The following BCAR3 variants were observed in gnomAD, a reference collection of about 807,000 sequenced individuals.
BCAR3 encodes the protein BCAR3 adaptor protein, NSP family member.
Under a neutral mutation model 80.1 loss-of-function variants are expected in BCAR3, and 37 were observed. That is an observed-to-expected ratio of 0.46 (90% CI 0.36 to 0.61). The LOEUF (loss-of-function observed/expected upper bound fraction) is 0.61, where lower values mean the gene tolerates loss of function less well. BCAR3 is among the 20% of genes least tolerant of loss of function. The probability of loss-of-function intolerance (pLI) is 0.00; values close to 1 mark genes in which losing one functional copy is unlikely to be tolerated. For missense variants in BCAR3, 978 were observed against 1,068.2 expected, an observed-to-expected ratio of 0.92 and a Z score of 1.18; for synonymous variants, 389 against 418.9, an observed-to-expected ratio of 0.93 and a Z score of 0.87.
At chr1:93,653,559 T>G (rs1023937527) in intron 2 of BCAR3, among the ~76,000 whole-genome samples, 8 of 152,200 alleles carry the variant, frequency 5.3e-5, no homozygotes, top group African/African-American at 1.9e-4. Flanking sequence ...ATCAAGCATC[T>G]ATAATATGCC....
At chr1:93,678,393 C>T (rs1054816955) in intron 1 of BCAR3, among the ~76,000 whole-genome samples, 8 of 152,102 alleles carry the variant, frequency 5.3e-5, no homozygotes, top group African/African-American at 1.9e-4. Flanking sequence ...GTGTTGGGGA[C>T]AGCATTAAAC....
At position 93,660,053 on chromosome 1, in the gene BCAR3, C is replaced by CGTGTGTGT. The variant is rs76729025; in HGVS notation, c.317+14553_317+14560dup. Among the ~76,000 whole-genome samples, 741 of 147,330 alleles carry CGTGTGTGT rather than the reference C, an allele frequency of 5.0e-3. 29 individuals are homozygous for CGTGTGTGT. The East Asian group carries it at 0.071, about 14-fold the overall frequency. On this transcript the variant is annotated intron_variant, in intron 2 of 11. Coordinates refer to ENST00000260502, the MANE Select transcript of BCAR3 (RefSeq NM_003567.4). ...ATGTATGTTGGTTTGAATAAATGAA[C>CGTGTGTGT]GTGTGTGTGTGTGTGTGTGTGTGTG...
chr1:93,773,938 C>T (rs1029042194), intron 2 of BCAR3, among the ~76,000 whole-genome samples: 2 of 152,160 alleles, frequency 1.3e-5, no homozygotes, highest in Non-Finnish European at 2.9e-5. Context: ...TCAAGTCCCA[C>T]TAAAATGGTG....
At chr1:93,767,477 T>C (rs1652195336) in intron 2 of BCAR3, among the ~76,000 whole-genome samples, 1 of 149,810 alleles carries the variant, frequency 6.7e-6, no homozygotes, top group African/African-American at 2.5e-5. Context: ...TGAGCCGTGA[T>C]CACACCACTG....
chr1:93,729,154 A>C (rs571737562), intron 2 of BCAR3, among the ~76,000 whole-genome samples: 8 of 152,274 alleles, frequency 5.3e-5, no homozygotes, highest in Non-Finnish European at 1.0e-4. Context: ...TGCTCTCGAA[A>C]ACCATACAGA....
intron 3 of BCAR3, among the ~76,000 whole-genome samples, chr1:93,625,514 G>GA (rs1441671815): frequency 6.6e-6 from 1 of 152,166 alleles, no homozygotes; most frequent in Non-Finnish European, 1.5e-5. Flanking sequence ...GTGGTCACAG[G>GA]AAACAGTCCA....
chr1:93,567,883 C>G, intron 9 of BCAR3, 32 bp from the exon 10 acceptor site: 1 of 1,572,806 alleles, frequency 6.4e-7, no homozygotes, highest in Non-Finnish European at 8.8e-7. Flanking sequence ...GGAAAAGGTT[C>G]TTTTTAAAAT....
chr1:93,765,154 C>G (rs934902262), intron 2 of BCAR3, among the ~76,000 whole-genome samples: 8 of 152,172 alleles, frequency 5.3e-5, no homozygotes, highest in Non-Finnish European at 5.9e-5. Context: ...AATTAAGGAC[C>G]AAGTGGTTTA....
chr1:93,621,026 AG>A (rs1675290926), intron 3 of BCAR3, among the ~76,000 whole-genome samples: 1 of 152,222 alleles, frequency 6.6e-6, no homozygotes, highest in Non-Finnish European at 1.5e-5. Flanking sequence ...CCTGCCTGCA[AG>A]GGATCACCCG....
Position 93,711,551 on chromosome 1 carries a change from T to C in BCAR3, c.-62-5409A>G, listed in dbSNP as rs933673004. The stretch of plus-strand genomic sequence containing the variant: ...TATTGGCCAAGACAAGTCATGAGGC[T>C]AGCCTGGATTCAATCGGTGGAGAAT... On this transcript the variant is annotated intron_variant, in intron 2 of 13. Transcript: ENST00000370244. Among the ~76,000 whole-genome samples, 6 of 152,274 alleles carry C rather than the reference T, an allele frequency of 3.9e-5. No homozygotes were observed. In the South Asian group the frequency reaches 1.0e-3, roughly 26 times the overall value.
intron 2 of BCAR3, among the ~76,000 whole-genome samples, chr1:93,732,810 C>G (rs548447995): frequency 6.6e-6 from 1 of 152,296 alleles, no homozygotes; most frequent in South Asian, 2.1e-4. Context: ...CTCCCCTCCT[C>G]TCAACCTGCC....
At chr1:93,646,827 TA>T (rs1455714422) in intron 2 of BCAR3, among the ~76,000 whole-genome samples, 9 of 152,150 alleles carry the variant, frequency 5.9e-5, no homozygotes, top group Non-Finnish European at 1.3e-4. Flanking sequence ...ATTACTTAAG[TA>T]AATACCTGAA....
At chr1:93,763,316 G>T (rs182654895) in intron 2 of BCAR3, among the ~76,000 whole-genome samples, 1 of 152,036 alleles carries the variant, frequency 6.6e-6, no homozygotes, top group Non-Finnish European at 1.5e-5. Flanking sequence ...CTCCTGCCTC[G>T]GCCTCCCAAA....
At chr1:93,718,540 C>A (rs1010265628) in intron 2 of BCAR3, among the ~76,000 whole-genome samples, 7 of 152,094 alleles carry the variant, frequency 4.6e-5, no homozygotes, top group African/African-American at 1.4e-4. Context: ...CTCTGGGCCT[C>A]AATTTCCTCA....
chr1:93,562,979 A>T (rs143040014), intron 11 of BCAR3, among the ~76,000 whole-genome samples: 115 of 152,224 alleles, frequency 7.6e-4, no homozygotes, highest in African/African-American at 2.5e-3. Context: ...AATAGAGTGA[A>T]ATTGGTTTGT....
chr1:93,746,603 C>T (rs1308778852), intron 2 of BCAR3, among the ~76,000 whole-genome samples: 2 of 152,194 alleles, frequency 1.3e-5, no homozygotes, highest in African/African-American at 2.4e-5. Context: ...TTGCCCAGCA[C>T]GTACACCTGT....
chr1:93,584,854 G>C (rs1673878300), intron 5 of BCAR3: 1 of 483,944 alleles, frequency 2.1e-6, no homozygotes, highest in African/African-American at 2.1e-5. Flanking sequence ...CCAAGCACCA[G>C]AATCTCCCTA....
chr1:93,788,724 G>A (rs1172356575), intron 2 of BCAR3, among the ~76,000 whole-genome samples: 1 of 152,094 alleles, frequency 6.6e-6, no homozygotes, highest in Non-Finnish European at 1.5e-5. Flanking sequence ...CTTCTGGCTG[G>A]CAGAGATAGA....
intron 3 of BCAR3, among the ~76,000 whole-genome samples, chr1:93,699,206 A>G (rs148698483): frequency 6.6e-6 from 1 of 152,148 alleles, no homozygotes; most frequent in African/African-American, 2.4e-5. Context: ...TCCAATTTGA[A>G]TTCTCCCCTC....
Sources: gnomAD v4.1 joint callset for allele counts (sites outside exome capture counted in the v4.1 genomes callset) on GRCh38, gnomAD v4.1.1 for gene constraint, MANE v1.5 for transcripts, NCBI Gene and HGNC (gene_info 2026-07-23, HGNC 2026-07-21) for gene names.